Variants in PACRG observed in about 807,000 individuals in gnomAD.
PACRG encodes the protein parkin coregulated gene protein.
In PACRG, 29 loss-of-function variants were observed where a neutral mutation model predicts 29.7. The observed-to-expected ratio is 0.98, with a 90% CI of 0.73 to 1.33. PACRG has a LOEUF of 1.33. Among genes scored for constraint, PACRG ranks in the 40% most tolerant of loss-of-function variants. PACRG has a pLI of 0.00. For synonymous variants in PACRG, 116 were observed against 118.7 expected (o/e 0.98, Z 0.15); for missense variants, 279 against 316.2 (o/e 0.88, Z 0.89).
intron 1 of PACRG, among the ~76,000 whole-genome samples, chr6:162,739,596 C>G (rs978103309): frequency 6.6e-6 from 1 of 152,054 alleles, no homozygotes; most frequent in Non-Finnish European, 1.5e-5. Context: ...GTAATCCCAG[C>G]ACTTTGGGAG....
intron 4 of PACRG, among the ~76,000 whole-genome samples, chr6:163,311,671 G>A (rs763785381): frequency 4.6e-5 from 7 of 152,192 alleles, no homozygotes; most frequent in Admixed American, 2.6e-4. Context: ...CCAATGATAC[G>A]CATTCTGCAA....
In PACRG at chr6:162,733,646, G is replaced by C. The variant is rs112331314; in HGVS notation, c.156+5255G>C. Among the ~76,000 whole-genome samples, 1,332 of 152,218 alleles carry C rather than the reference G, an allele frequency of 8.8e-3. 20 individuals carry two copies. Among genetic ancestry groups the C allele is most frequent in the African/African-American group, 0.031 (1,280 of 41,534 alleles). On this transcript the variant is annotated intron_variant, in intron 1 of 4. Coordinates refer to ENST00000366888, the MANE Select transcript of PACRG (RefSeq NM_001080379.2). ...TTCCTCTATTGGGAAGGCCCTGTGT[G>C]ATCTGCCCACCCTTGCTGCTTTATG...
At chr6:163,230,139 A>T (rs190150289) in intron 4 of PACRG, among the ~76,000 whole-genome samples, 28 of 152,316 alleles carry the variant, frequency 1.8e-4, no homozygotes, top group African/African-American at 6.5e-4. Context: ...CTATATATGT[A>T]ACATTTGCAC....
At chr6:162,955,120 A>G (rs985764313) in intron 2 of PACRG, among the ~76,000 whole-genome samples, 2 of 152,188 alleles carry the variant, frequency 1.3e-5, no homozygotes, top group Non-Finnish European at 2.9e-5. Context: ...CACACTTACA[A>G]GAAGGGAACC....
intron 4 of PACRG, chr6:163,182,540 G>C (rs1185139721): frequency 6.6e-6 from 1 of 152,130 alleles, no homozygotes. Flanking sequence ...GCTTCATGTG[G>C]TATCTTTCTT....
chr6:162,755,180 C>CT (rs1014911342), intron 1 of PACRG, among the ~76,000 whole-genome samples: 3 of 151,834 alleles, frequency 2.0e-5, no homozygotes, highest in South Asian at 4.2e-4. Flanking sequence ...AGAAAGCTTT[C>CT]TTTTTTTTCT....
chr6:163,156,459 C>T (rs1276443342), intron 4 of PACRG, among the ~76,000 whole-genome samples: 2 of 152,206 alleles, frequency 1.3e-5, no homozygotes, highest in East Asian at 1.9e-4. Context: ...CATATCTGAG[C>T]GGTCTCCCTA....
In PACRG at chr6:162,747,419, TATAA is replaced by T. The variant is rs1781144138; in HGVS notation, c.156+19032_156+19035del. ...ATATATATGTATATATATATATAACTATAAATATATATGTAAAACTATATATATA... is the reference window on the plus strand; with the variant it reads ...ATATATATGTATATATATATATAACTATATATATGTAAAACTATATATATA... On this transcript the variant is annotated intron_variant, in intron 1 of 4. Coordinates refer to ENST00000366888, the MANE Select transcript of PACRG (RefSeq NM_001080379.2). Among the ~76,000 whole-genome samples, 5 of 104,602 alleles carry T rather than the reference TATAA, an allele frequency of 4.8e-5. 2 individuals are homozygous for T. The highest frequency in any genetic ancestry group is 1.6e-4 in the African/African-American group (4 of 25,794). 68.6% of individuals were successfully genotyped at this position (104,602 alleles called of 152,430 possible). A position where few individuals can be genotyped will look rare whatever the true frequency, so the allele number is the denominator to read the frequency against.
intron 3 of PACRG, among the ~76,000 whole-genome samples, chr6:163,069,871 A>T (rs1037144198): frequency 3.6e-4 from 55 of 152,320 alleles, no homozygotes; most frequent in Admixed American, 1.2e-3. Flanking sequence ...TTTAATAATT[A>T]AACTCCCAAA....
rs191355151 is a variant in PACRG, at chr6:162,777,229, C to T, written c.157-36918C>T. Reference sequence around the variant, plus strand: ...TCAGACTCACTTGGCTCCCTCGTGCCGGCTGTGTGACGTTGTTTTTCTCCA... The same window carrying T: ...TCAGACTCACTTGGCTCCCTCGTGCTGGCTGTGTGACGTTGTTTTTCTCCA... On this transcript the variant is annotated intron_variant, in intron 1 of 4. Transcript: ENST00000366888. The surrounding 1 kb of genome is among the most constrained non-coding windows in gnomAD (Gnocchi z 4.0). 1.3e-4 allele frequency among the ~76,000 whole-genome samples: 20 copies of T among 152,314 alleles called. No homozygotes were observed. The highest frequency in any genetic ancestry group is 9.1e-4 in the Admixed American group (14 of 15,306).
intron 4 of PACRG, among the ~76,000 whole-genome samples, chr6:163,164,611 C>T (rs191939443): frequency 3.3e-5 from 5 of 152,294 alleles, no homozygotes; most frequent in South Asian, 2.1e-4. Context: ...AGGAACGATG[C>T]GGGCTGGATT....
At chr6:162,857,063 C>T (rs964964169) in intron 2 of PACRG, among the ~76,000 whole-genome samples, 1 of 152,126 alleles carries the variant, frequency 6.6e-6, no homozygotes, top group African/African-American at 2.4e-5. Flanking sequence ...CTGCTTTGAG[C>T]CTTTTTCTAT....
intron 3 of PACRG, among the ~76,000 whole-genome samples, chr6:163,088,941 C>G (rs1813844654): frequency 6.6e-6 from 1 of 152,160 alleles, no homozygotes; most frequent in South Asian, 2.1e-4. Flanking sequence ...ACTCCAGCAA[C>G]ATTAAGTGAT....
intron 4 of PACRG, among the ~76,000 whole-genome samples, chr6:163,291,941 G>A (rs886152020): frequency 6.6e-6 from 1 of 152,206 alleles, no homozygotes; most frequent in African/African-American, 2.4e-5. Flanking sequence ...ATCACGTAGG[G>A]CTTAATGCCA....
At chr6:162,990,361 A>C (rs1803340568) in intron 2 of PACRG, among the ~76,000 whole-genome samples, 1 of 151,456 alleles carries the variant, frequency 6.6e-6, no homozygotes, top group Non-Finnish European at 1.5e-5. Context: ...CCAACAGTGT[A>C]AAAGTGTTCC....
intron 2 of PACRG, among the ~76,000 whole-genome samples, chr6:162,912,959 C>T (rs188972328): frequency 6.6e-6 from 1 of 151,548 alleles, no homozygotes; most frequent in Admixed American, 6.6e-5. Context: ...GGAAAGCTAC[C>T]ATTGGGGATA....
chr6:163,016,442 T>G (rs1218505560), intron 2 of PACRG, among the ~76,000 whole-genome samples: 1 of 152,194 alleles, frequency 6.6e-6, no homozygotes, highest in Non-Finnish European at 1.5e-5. Context: ...AGATTTTTTT[T>G]TTTTTTATTC....
chr6:162,825,275 C>A (rs906341496), intron 2 of PACRG, among the ~76,000 whole-genome samples: 4 of 152,114 alleles, frequency 2.6e-5, no homozygotes, highest in Non-Finnish European at 4.4e-5. Flanking sequence ...AAAGGTTTAT[C>A]GTGCTTGGGA....
intron 4 of PACRG, among the ~76,000 whole-genome samples, chr6:163,256,184 A>G (rs1471252605): frequency 6.6e-6 from 1 of 152,154 alleles, no homozygotes; most frequent in East Asian, 1.9e-4. Flanking sequence ...CTAATGTGCT[A>G]TATCTCAAAA....
Sources: allele counts gnomAD v4.1 joint callset (sites outside exome capture counted in the v4.1 genomes callset), GRCh38; gene constraint gnomAD v4.1.1; non-coding constraint Gnocchi (gnomAD v3.1); transcripts MANE v1.5; gene names NCBI Gene and HGNC (gene_info 2026-07-23, HGNC 2026-07-21).